The following FBXL5 variants were observed in gnomAD, a reference collection of about 807,000 sequenced individuals.
FBXL5 encodes F-box and leucine rich repeat protein 5.
FBXL5 carries 26 observed loss-of-function variants against 78.3 expected under a neutral mutation model. The ratio of observed to expected loss-of-function variants is 0.33; its 90% CI spans 0.24 to 0.46. FBXL5 has a LOEUF of 0.46. FBXL5 is among the 20% of genes least tolerant of loss of function. The pLI is 1.00. For synonymous variants in FBXL5, 295 were observed against 282.5 expected, an observed-to-expected ratio of 1.04 and a Z score of -0.45; for missense variants, 710 against 829.2, an observed-to-expected ratio of 0.86 and a Z score of 1.77.
chr4:15,680,707 T>C (rs962218195), intron 1 of FBXL5, among the ~76,000 whole-genome samples: 5 of 151,934 alleles, frequency 3.3e-5, no homozygotes, highest in Non-Finnish European at 5.9e-5. Flanking sequence ...AGTTGGAGAA[T>C]CAAAAATTTT....
rs146914433 is a variant in FBXL5, at chr4:15,627,920, C to G, written c.1006G>C (p.Val336Leu). 2 of 1,613,518 alleles carry G rather than the reference C, an allele frequency of 1.2e-6. No individual in the cohort carries two copies. The highest frequency in any genetic ancestry group is 1.3e-5 in the African/African-American group (1 of 74,906). Reference sequence around the variant, plus strand: ...GAAACTGCAGAGCTGTATGCTAATACTAAGGTTTTTACAGAAGTACCAACA... The same window carrying G: ...GAAACTGCAGAGCTGTATGCTAATAGTAAGGTTTTTACAGAAGTACCAACA... ...PYVGTSVKTLVLAYSSAVSSK... is the reference protein window; with the variant it reads ...PYVGTSVKTLLLAYSSAVSSK... The change falls in exon 7 of 11, where the codon GTA becomes CTA. Residue 336 changes from valine to leucine, a missense_variant. Transcript: ENST00000341285.
At position 15,607,457 on chromosome 4, in the gene FBXL5, C is replaced by T. The variant is rs190417908; in HGVS notation, c.2000-1658G>A. 1.4e-3 allele frequency among the ~76,000 whole-genome samples: 208 copies of T among 152,060 alleles called. No individual in the cohort carries two copies. The South Asian group carries it at 0.014, about 10-fold the overall frequency. On this transcript the variant is annotated intron_variant, in intron 10 of 10. Coordinates refer to ENST00000341285, the MANE Select transcript of FBXL5 (RefSeq NM_012161.4). ...AATTATTTTCCCTTAAAATAAGAAACAATGTTAATCATCTTAATCACAAAC... is the reference window on the plus strand; with the variant it reads ...AATTATTTTCCCTTAAAATAAGAAATAATGTTAATCATCTTAATCACAAAC...
chr4:15,671,811 T>G (rs1275962305), intron 1 of FBXL5, among the ~76,000 whole-genome samples: 4 of 152,212 alleles, frequency 2.6e-5, no homozygotes, highest in Non-Finnish European at 5.9e-5. Context: ...CATGAATCTT[T>G]TCTTCCACAA....
intron 5 of FBXL5, among the ~76,000 whole-genome samples, chr4:15,635,879 ATT>A (rs1193031982): frequency 6.6e-6 from 1 of 152,028 alleles, no homozygotes; most frequent in African/African-American, 2.4e-5. Flanking sequence ...TGAAAAGAAA[ATT>A]TTCTTTAACT....
chr4:15,655,509 C>T (rs2148738831), upstream of FBXL5: 8 of 374,290 alleles, frequency 2.1e-5, no homozygotes, highest in Admixed American at 6.4e-5. Context: ...GCGGCTTCTG[C>T]CTCCCGCCCC....
Position 15,638,838 on chromosome 4 carries a change from T to C in FBXL5, c.397-144A>G, listed in dbSNP as rs115750485. The C allele has an allele frequency of 1.6e-3, 937 of 567,916 alleles. 8 individuals carry two copies. The highest frequency in any genetic ancestry group is 0.014 in the African/African-American group (704 of 51,564). The allele number at this position is 567,916 out of a possible 1,614,324, so 35.2% of individuals were successfully genotyped here. On this transcript the variant is annotated intron_variant, in intron 3 of 10. Coordinates refer to ENST00000341285, the MANE Select transcript of FBXL5 (RefSeq NM_012161.4). Reference sequence around the variant, plus strand: ...AAAATTTTAGCTGTCACCACTGAGTTAGTTTATCTAAAAATTGCAGAGAAG... The same window carrying C: ...AAAATTTTAGCTGTCACCACTGAGTCAGTTTATCTAAAAATTGCAGAGAAG...
upstream of FBXL5, among the ~76,000 whole-genome samples, chr4:15,655,620 G>T (rs1280507493): frequency 1.3e-5 from 2 of 152,210 alleles, no homozygotes; most frequent in African/African-American, 4.8e-5. Context: ...GAGGGTAGGG[G>T]AAAGTCGTTG....
At chr4:15,636,458 A>C in intron 5 of FBXL5, 36 bp downstream of exon 5, 1 of 1,434,720 alleles carries the variant, frequency 7.0e-7, no homozygotes, top group African/African-American at 1.6e-5. Flanking sequence ...CATCTAGAAA[A>C]ATACATGAAA....
At chr4:15,655,936 C>T (rs1716886845), upstream of FBXL5, among the ~76,000 whole-genome samples, 1 of 152,212 alleles carries the variant, frequency 6.6e-6, no homozygotes, top group South Asian at 2.1e-4. Context: ...CTGAGAGCTT[C>T]GGTCCCGGGC....
chr4:15,637,740 T>C (rs1327447804), intron 4 of FBXL5, among the ~76,000 whole-genome samples: 1 of 152,136 alleles, frequency 6.6e-6, no homozygotes, highest in Non-Finnish European at 1.5e-5. Flanking sequence ...ACTTGTAAAA[T>C]TATTTTAGTT....
At chr4:15,670,170 C>A (rs1308782677) in intron 1 of FBXL5, among the ~76,000 whole-genome samples, 1 of 152,194 alleles carries the variant, frequency 6.6e-6, no homozygotes, top group Non-Finnish European at 1.5e-5. Flanking sequence ...AGTTTATTCA[C>A]CTGATAGGCA....
At chr4:15,644,146 C>T (rs571254072) in intron 2 of FBXL5, among the ~76,000 whole-genome samples, 16 of 152,350 alleles carry the variant, frequency 1.1e-4, no homozygotes, top group African/African-American at 3.8e-4. Context: ...CAATATGTTA[C>T]TATCCTCTTG....
intron 9 of FBXL5, among the ~76,000 whole-genome samples, chr4:15,612,967 A>G (rs1039855789): frequency 1.3e-5 from 2 of 152,230 alleles, no homozygotes; most frequent in African/African-American, 2.4e-5. Flanking sequence ...CCATTAACTA[A>G]TAAATGGATA....
intron 9 of FBXL5, among the ~76,000 whole-genome samples, chr4:15,618,713 G>A (rs1015763486): frequency 9.2e-5 from 14 of 151,768 alleles, no homozygotes; most frequent in African/African-American, 3.4e-4. Flanking sequence ...GTGGTGGCAC[G>A]TGCCTGTAAT....
upstream of FBXL5, among the ~76,000 whole-genome samples, chr4:15,660,298 A>C (rs192886548): frequency 2.0e-4 from 31 of 152,116 alleles, no homozygotes; most frequent in Admixed American, 6.5e-4. Flanking sequence ...GCCTAGGCTG[A>C]TCTTGAACTC....
At position 15,655,292 on chromosome 4, in the gene FBXL5, A is replaced by ACTGCCT. The variant is rs1553854721; in HGVS notation, c.-11_-6dup. ...TTCTTCAGGAAAGGGCGCCATCGCC[A>ACTGCCT]CTGCCTCAGCCTCCGCCTCAGCAGC... is the stretch of plus-strand genomic sequence containing the variant. On this transcript the variant is annotated 5_prime_UTR_variant, in exon 1 of 11. Transcript: ENST00000341285. 3 of 1,420,254 alleles carry ACTGCCT rather than the reference A, an allele frequency of 2.1e-6. No homozygotes were observed. Among genetic ancestry groups the ACTGCCT allele is most frequent in the East Asian group, 6.4e-5 (2 of 31,438 alleles). 88.0% of individuals were successfully genotyped at this position (1,420,254 alleles called of 1,614,324 possible). A position where few individuals can be genotyped will look rare whatever the true frequency, so the allele number is the denominator to read the frequency against.
At chr4:15,629,579 C>T (rs1329691098) in intron 6 of FBXL5, among the ~76,000 whole-genome samples, 2 of 152,056 alleles carry the variant, frequency 1.3e-5, no homozygotes, top group African/African-American at 4.8e-5. Flanking sequence ...TCAACAAGCG[C>T]CAGTTTTGTT....
intron 9 of FBXL5, among the ~76,000 whole-genome samples, chr4:15,613,712 A>G (rs1722426691): frequency 6.6e-6 from 1 of 151,854 alleles, no homozygotes; most frequent in Admixed American, 6.6e-5. Flanking sequence ...TGTTTGTTCA[A>G]TTCTATTGTC....
intron 1 of FBXL5, among the ~76,000 whole-genome samples, chr4:15,667,256 T>C (rs1717587584): frequency 6.6e-6 from 1 of 152,176 alleles, no homozygotes. Flanking sequence ...TGGCAGTCCA[T>C]GAGAAAACAT....
Sources: allele counts gnomAD v4.1 joint callset (sites outside exome capture counted in the v4.1 genomes callset), GRCh38; gene constraint gnomAD v4.1.1; transcripts MANE v1.5; gene names NCBI Gene and HGNC (gene_info 2026-07-23, HGNC 2026-07-21).